The following LRP1B variants were observed in gnomAD, a reference collection of about 807,000 sequenced individuals.
LRP1B encodes the protein low-density lipoprotein receptor-related protein 1B.
LRP1B carries 217 observed loss-of-function variants against 556.6 expected under a neutral mutation model. That is an observed-to-expected ratio of 0.39 (90% CI 0.35 to 0.44). The LOEUF is 0.44. Ranked by LOEUF, LRP1B falls within the 20% of genes least tolerant of loss-of-function variation. LRP1B has a pLI of 1.00. For missense variants in LRP1B, 5,053 were observed against 5,620.8 expected (o/e 0.90, Z 3.23); for synonymous variants, 2,047 against 1,865.8 (o/e 1.10, Z -2.50).
intron 2 of LRP1B, among the ~76,000 whole-genome samples, chr2:141,714,983 T>C (rs1314375522): frequency 1.3e-5 from 2 of 152,186 alleles, no homozygotes; most frequent in African/African-American, 2.4e-5. Flanking sequence ...GATATGATTA[T>C]GATTTTTGCT....
intron 1 of LRP1B, among the ~76,000 whole-genome samples, chr2:142,110,435 C>T (rs990135870): frequency 7.9e-5 from 12 of 152,008 alleles, no homozygotes; most frequent in African/African-American, 2.2e-4. Flanking sequence ...TTCAACATGG[C>T]GGTGGATCCT....
intron 3 of LRP1B, among the ~76,000 whole-genome samples, chr2:141,370,753 T>G (rs1689201354): frequency 6.6e-6 from 1 of 152,186 alleles, no homozygotes; most frequent in South Asian, 2.1e-4. Flanking sequence ...TCCCCAGGTT[T>G]TTTCTAATAT....
At chr2:142,058,724 T>A (rs531081289) in intron 1 of LRP1B, among the ~76,000 whole-genome samples, 33 of 152,204 alleles carry the variant, frequency 2.2e-4, no homozygotes, top group African/African-American at 7.5e-4. Context: ...TGCACGTACT[T>A]GGTGTTCAGC....
chr2:141,432,172 A>T (rs1680584730), intron 3 of LRP1B, among the ~76,000 whole-genome samples: 1 of 152,132 alleles, frequency 6.6e-6, no homozygotes, highest in African/African-American at 2.4e-5. Flanking sequence ...AGGAAAGGGT[A>T]TTGAAATTTT....
At chr2:140,678,479 T>C (rs1685747826) in intron 41 of LRP1B, among the ~76,000 whole-genome samples, 1 of 152,186 alleles carries the variant, frequency 6.6e-6, no homozygotes, top group African/African-American at 2.4e-5. Flanking sequence ...TTTTAAAACC[T>C]CAGAACATAT....
At chr2:142,013,195 T>A (rs1703009326) in intron 1 of LRP1B, among the ~76,000 whole-genome samples, 1 of 151,884 alleles carries the variant, frequency 6.6e-6, no homozygotes, top group Non-Finnish European at 1.5e-5. Flanking sequence ...CCTTATTACT[T>A]TTTTTTCAAT....
intron 2 of LRP1B, among the ~76,000 whole-genome samples, chr2:141,717,016 G>A (rs1051989937): frequency 6.6e-6 from 1 of 152,104 alleles, no homozygotes; most frequent in Admixed American, 6.5e-5. Context: ...TTGGGTTTAG[G>A]TGTTGAGGTG....
intron 14 of LRP1B, among the ~76,000 whole-genome samples, chr2:141,009,501 C>G (rs1272599770): frequency 6.6e-6 from 1 of 151,834 alleles, no homozygotes; most frequent in African/African-American, 2.4e-5. Context: ...TATTAAGATA[C>G]TCCTTTGTTT....
chr2:141,266,506 A>G (rs1283857580), intron 3 of LRP1B, among the ~76,000 whole-genome samples: 1 of 150,232 alleles, frequency 6.7e-6, no homozygotes, highest in East Asian at 2.0e-4. Context: ...TAAATTAAAC[A>G]AAAAACCAAA....
At position 140,444,324 on chromosome 2, in the gene LRP1B, A is replaced by C. The variant is rs762376311; in HGVS notation, c.10294+6T>G. 1 of 1,613,826 alleles carries C rather than the reference A, an allele frequency of 6.2e-7. No homozygotes were observed. The highest frequency in any genetic ancestry group is 8.5e-7 in the Non-Finnish European group (1 of 1,179,814). ...AGACAAGACAGAGTATTTTGAGGTG[A>C]CTTACGACAGTCTCTTTCATCTTCC... is the stretch of plus-strand genomic sequence containing the variant. On this transcript the variant is annotated splice_donor_region_variant and intron_variant, in intron 65 of 90. Coordinates refer to ENST00000389484, the MANE Select transcript of LRP1B (RefSeq NM_018557.3).
At chr2:142,051,468 T>C (rs960548140) in intron 1 of LRP1B, among the ~76,000 whole-genome samples, 2 of 99,528 alleles carry the variant, frequency 2.0e-5, no homozygotes, top group African/African-American at 6.2e-5. Context: ...GGTGTGTTTT[T>C]TTGTTTTTTT....
intron 3 of LRP1B, among the ~76,000 whole-genome samples, chr2:141,356,584 A>T (rs1343429966): frequency 6.6e-6 from 1 of 151,866 alleles, no homozygotes; most frequent in Admixed American, 6.6e-5. Context: ...AAGAGGTAAC[A>T]TGTATGTTTT....
chr2:140,846,981 G>A (rs1364774473), intron 29 of LRP1B, among the ~76,000 whole-genome samples: 1 of 152,166 alleles, frequency 6.6e-6, no homozygotes, highest in African/African-American at 2.4e-5. Context: ...TCAGCCTGTG[G>A]AGTAAGTCAG....
chr2:140,843,777 C>A (rs1022474738), intron 29 of LRP1B, among the ~76,000 whole-genome samples: 1 of 152,056 alleles, frequency 6.6e-6, no homozygotes, highest in Non-Finnish European at 1.5e-5. Context: ...TCAATAGAAC[C>A]GTACCTGGTC....
intron 71 of LRP1B, among the ~76,000 whole-genome samples, chr2:140,367,064 G>A (rs1682794001): frequency 6.6e-6 from 1 of 151,694 alleles, no homozygotes; most frequent in African/African-American, 2.4e-5. Flanking sequence ...AGGAAGGAAG[G>A]AGGAAAGCCT....
chr2:141,175,079 C>G (rs1261277926), intron 7 of LRP1B, among the ~76,000 whole-genome samples: 1 of 152,038 alleles, frequency 6.6e-6, no homozygotes, highest in Non-Finnish European at 1.5e-5. Flanking sequence ...AATTTCTAAG[C>G]AGCAAAGCAT....
chr2:140,327,679 T>G (rs12692051), intron 79 of LRP1B, among the ~76,000 whole-genome samples: 45,567 of 151,882 alleles, frequency 0.3, 7,810 homozygotes, highest in Non-Finnish European at 0.4. Context: ...GTTTTAGACT[T>G]AAAAACATTA....
intron 7 of LRP1B, among the ~76,000 whole-genome samples, chr2:141,172,600 T>C (rs192216988): frequency 2.6e-5 from 4 of 152,196 alleles, no homozygotes; most frequent in Admixed American, 2.6e-4. Context: ...GAGCTGTTGA[T>C]ATTCACTATC....
chr2:140,958,516 T>G (rs978252883), intron 18 of LRP1B, among the ~76,000 whole-genome samples: 2 of 151,114 alleles, frequency 1.3e-5, no homozygotes, highest in African/African-American at 4.8e-5. Flanking sequence ...CAGCTCAGAG[T>G]TTAAGAACAA....
Sources: allele counts gnomAD v4.1 joint callset (sites outside exome capture counted in the v4.1 genomes callset), GRCh38; gene constraint gnomAD v4.1.1; transcripts MANE v1.5; gene names NCBI Gene and HGNC (gene_info 2026-07-23, HGNC 2026-07-21).